Variants in NAALADL2 observed in about 807,000 individuals in gnomAD.
NAALADL2 encodes the protein inactive N-acetylated-alpha-linked acidic dipeptidase-like protein 2.
NAALADL2 carries 76 observed loss-of-function variants against 87.2 expected under a neutral mutation model. The ratio of observed to expected loss-of-function variants is 0.87; its 90% CI spans 0.72 to 1.05. NAALADL2 has a LOEUF of 1.05. NAALADL2 is among the 50% of genes least tolerant of loss of function. NAALADL2 has a pLI of 0.00. For synonymous variants in NAALADL2, 354 were observed against 331.0 expected (o/e 1.07, Z -0.75); for missense variants, 1,089 against 945.8 (o/e 1.15, Z -1.99).
chr3:175,236,364 A>G (rs9883513), intron 3 of NAALADL2, among the ~76,000 whole-genome samples: 67,198 of 151,438 alleles, frequency 0.44, 16,158 homozygotes, highest in Non-Finnish European at 0.54. Flanking sequence ...TGACCAACAC[A>G]GTGAAACCCT....
intron 3 of NAALADL2, among the ~76,000 whole-genome samples, chr3:174,753,116 T>C (rs1389007991): frequency 6.6e-6 from 1 of 152,234 alleles, no homozygotes; most frequent in Non-Finnish European, 1.5e-5. Flanking sequence ...TTCTTTCTTT[T>C]TTTTTGAGAC....
At chr3:175,247,073 G>A (rs1360596291) in intron 3 of NAALADL2, among the ~76,000 whole-genome samples, 2 of 152,068 alleles carry the variant, frequency 1.3e-5, no homozygotes, top group African/African-American at 4.8e-5. Context: ...GTTTCTTTTA[G>A]ACACAATGTT....
At chr3:174,958,998 C>T (rs770157050) in intron 1 of NAALADL2, among the ~76,000 whole-genome samples, 17 of 152,028 alleles carry the variant, frequency 1.1e-4, no homozygotes, top group East Asian at 1.9e-4. Context: ...TGAAGTTTAA[C>T]GCAACAGTTT....
intron 2 of NAALADL2, among the ~76,000 whole-genome samples, chr3:175,133,877 A>G (rs561494349): frequency 1.3e-5 from 2 of 152,230 alleles, no homozygotes; most frequent in Non-Finnish European, 2.9e-5. Context: ...GAACATTTGA[A>G]TGTTTTTACT....
chr3:175,327,975 A>C (rs1367501628), intron 5 of NAALADL2, among the ~76,000 whole-genome samples: 2 of 152,232 alleles, frequency 1.3e-5, no homozygotes, highest in Non-Finnish European at 2.9e-5. Context: ...AGGATGGATT[A>C]GGAATCTTTG....
intron 1 of NAALADL2, among the ~76,000 whole-genome samples, chr3:174,443,791 C>T (rs963350278): frequency 6.9e-6 from 1 of 144,658 alleles, no homozygotes; most frequent in African/African-American, 2.5e-5. Context: ...AAAGGGAAAG[C>T]AGGAGAATAT....
chr3:174,594,773 G>C (rs1432668724), intron 2 of NAALADL2, among the ~76,000 whole-genome samples: 1 of 152,180 alleles, frequency 6.6e-6, no homozygotes, highest in Non-Finnish European at 1.5e-5. Context: ...TTTAACCAGA[G>C]ATCCAGATGA....
chr3:175,563,079 T>G (rs1001904331), intron 9 of NAALADL2, among the ~76,000 whole-genome samples: 1 of 152,078 alleles, frequency 6.6e-6, no homozygotes, highest in Non-Finnish European at 1.5e-5. Flanking sequence ...TAACTTGGCA[T>G]TATTTAATTT....
chr3:175,198,542 G>A (rs1003885267), intron 2 of NAALADL2, among the ~76,000 whole-genome samples: 8 of 151,950 alleles, frequency 5.3e-5, no homozygotes, highest in East Asian at 1.9e-4. Context: ...ATACACTCAC[G>A]TAATTCCAAT....
intron 12 of NAALADL2, among the ~76,000 whole-genome samples, chr3:175,739,760 C>T (rs1744990803): frequency 6.6e-6 from 1 of 152,026 alleles, no homozygotes; most frequent in South Asian, 2.1e-4. Flanking sequence ...AATTAAAATC[C>T]CTTCTCCTAA....
intron 10 of NAALADL2, among the ~76,000 whole-genome samples, chr3:175,591,502 A>G (rs1024255158): frequency 3.9e-5 from 6 of 152,068 alleles, no homozygotes; most frequent in African/African-American, 1.4e-4. Context: ...TTAATTGAGC[A>G]CAAACAATGT....
intron 3 of NAALADL2, among the ~76,000 whole-genome samples, chr3:174,803,741 G>T (rs140324796): frequency 0.083 from 12,623 of 152,116 alleles, 718 homozygotes; most frequent in Non-Finnish European, 0.12. Flanking sequence ...TTTTCCCATT[G>T]CTTGTTTTTG....
intron 9 of NAALADL2, among the ~76,000 whole-genome samples, chr3:175,519,166 C>G (rs1435341165): frequency 6.6e-6 from 1 of 152,146 alleles, no homozygotes; most frequent in African/African-American, 2.4e-5. Flanking sequence ...ACAGACAAAC[C>G]AAGTAGGTCA....
At chr3:175,789,852 T>TAAAC (rs1351603078) in intron 13 of NAALADL2, among the ~76,000 whole-genome samples, 2 of 152,120 alleles carry the variant, frequency 1.3e-5, no homozygotes, top group Non-Finnish European at 2.9e-5. Context: ...CAAAAAGAGC[T>TAAAC]AAACATCCAT....
intron 9 of NAALADL2, among the ~76,000 whole-genome samples, chr3:175,491,482 T>C (rs2149345193): frequency 6.6e-6 from 1 of 152,288 alleles, no homozygotes; most frequent in Non-Finnish European, 1.5e-5. Flanking sequence ...AAACTTTTGC[T>C]ATTGTTAAGA....
intron 1 of NAALADL2, among the ~76,000 whole-genome samples, chr3:174,921,179 G>A (rs1273142595): frequency 6.6e-6 from 1 of 152,092 alleles, no homozygotes; most frequent in African/African-American, 2.4e-5. Flanking sequence ...CTTGATGCGA[G>A]GTTTCTACAA....
intron 2 of NAALADL2, among the ~76,000 whole-genome samples, chr3:174,616,909 T>C (rs1720517164): frequency 6.6e-6 from 1 of 151,926 alleles, no homozygotes; most frequent in Non-Finnish European, 1.5e-5. Flanking sequence ...AGTTGAATTA[T>C]GTATACTTAT....
intron 1 of NAALADL2, among the ~76,000 whole-genome samples, chr3:175,068,391 A>T (rs1403133213): frequency 6.6e-6 from 1 of 152,170 alleles, no homozygotes; most frequent in Non-Finnish European, 1.5e-5. Context: ...TGAGAGAAGA[A>T]ATTTCAGAAC....
At chr3:175,328,326 C>A (rs952781206) in intron 5 of NAALADL2, among the ~76,000 whole-genome samples, 2 of 151,350 alleles carry the variant, frequency 1.3e-5, no homozygotes, top group Non-Finnish European at 2.9e-5. Context: ...TTGAGTACTT[C>A]TTGTTCATTT....
Sources: allele counts gnomAD v4.1 joint callset (sites outside exome capture counted in the v4.1 genomes callset), GRCh38; gene constraint gnomAD v4.1.1; transcripts MANE v1.5; gene names NCBI Gene and HGNC (gene_info 2026-07-23, HGNC 2026-07-21).